Variants in TRAF3IP3 observed in about 807,000 individuals in gnomAD.
The protein encoded by TRAF3IP3 is TRAF3 interacting protein 3, also known as TRAF3-interacting JNK-activating modulator.
TRAF3IP3 carries 64 observed loss-of-function variants against 86.5 expected under a neutral mutation model. That is an observed-to-expected ratio of 0.74 (90% confidence interval 0.60 to 0.91). The LOEUF is 0.91. TRAF3IP3 is among the 40% of genes least tolerant of loss of function. The pLI, the probability that TRAF3IP3 is intolerant of heterozygous loss-of-function variation, is 0.00. For synonymous variants in TRAF3IP3, 220 were observed against 243.9 expected (o/e 0.90, Z 0.91); for missense variants, 579 against 642.9 (o/e 0.90, Z 1.07).
At chr1:209,776,785 C>A (rs545602644) in intron 11 of TRAF3IP3, 1 of 152,314 alleles carries the variant, frequency 6.6e-6, no homozygotes, top group East Asian at 1.9e-4. Context: ...CAATGACAAC[C>A]ACTTACATTT....
At chr1:209,779,465 C>A (rs1483489759) in intron 14 of TRAF3IP3, 91 bp downstream of exon 14, 5 of 1,113,096 alleles carry the variant, frequency 4.5e-6, no homozygotes, top group Non-Finnish European at 6.8e-6. Context: ...CTCCTGGAGT[C>A]CCAGCCAGTT....
chr1:209,761,236 A>G (rs149041842), intron 3 of TRAF3IP3, among the ~76,000 whole-genome samples: 1 of 152,318 alleles, frequency 6.6e-6, no homozygotes, highest in East Asian at 1.9e-4. Context: ...TGGTCCAGGA[A>G]GCTTTCCCTG....
chr1:209,771,012 G>A (rs1475948445), intron 8 of TRAF3IP3, among the ~76,000 whole-genome samples: 1 of 141,440 alleles, frequency 7.1e-6, no homozygotes, highest in Non-Finnish European at 1.5e-5. Flanking sequence ...GTGTGCGTGT[G>A]CATGTGGATG....
At chr1:209,770,757 G>A (rs1353348969) in intron 8 of TRAF3IP3, among the ~76,000 whole-genome samples, 1 of 144,492 alleles carries the variant, frequency 6.9e-6, no homozygotes, top group Non-Finnish European at 1.5e-5. Context: ...GTGTGCAGGT[G>A]GAGGTGTGCG....
At chr1:209,771,764 TGTG>T (rs1196047642) in intron 8 of TRAF3IP3, among the ~76,000 whole-genome samples, 3 of 43,912 alleles carry the variant, frequency 6.8e-5, no homozygotes, top group Non-Finnish European at 1.7e-4. Flanking sequence ...CATGTGAAGG[TGTG>T]TGTGTATATG....
chr1:209,778,056 T>C, intron 12 of TRAF3IP3, 55 bp from the exon 13 acceptor site: 1 of 1,455,064 alleles, frequency 6.9e-7, no homozygotes, highest in Non-Finnish European at 9.6e-7. Context: ...TCCTAAGTAC[T>C]GAGTTCATTA....
At chr1:209,769,415 G>A (rs992985810) in intron 8 of TRAF3IP3, among the ~76,000 whole-genome samples, 6 of 152,244 alleles carry the variant, frequency 3.9e-5, no homozygotes. Flanking sequence ...TCTGCTTATT[G>A]TAGATGCCAA....
intron 11 of TRAF3IP3, 148 bp from the exon 12 acceptor site, chr1:209,777,204 A>G (rs1437495211): frequency 1.7e-6 from 1 of 596,084 alleles, no homozygotes; most frequent in Non-Finnish European, 2.7e-6. Flanking sequence ...GAAAAAAGAA[A>G]GACTTCTCTA....
chr1:209,773,163 AT>A, intron 9 of TRAF3IP3, 144 bp downstream of exon 9: 1 of 680,786 alleles, frequency 1.5e-6, no homozygotes, highest in Non-Finnish European at 2.4e-6. Context: ...TGGCTTGGCC[AT>A]TTACACTTTA....
rs543843483 is a variant in TRAF3IP3, at chr1:209,775,837, G to C, written c.1053+101G>C. The C allele has an allele frequency of 8.5e-6, 10 of 1,182,716 alleles. No homozygotes were observed. In the African/African-American group the frequency reaches 1.4e-4, roughly 16 times the overall value. 73.3% of individuals were successfully genotyped at this position (1,182,716 alleles called of 1,614,324 possible). A position where few individuals can be genotyped will look rare whatever the true frequency, so the allele number is the denominator to read the frequency against. ...TTAGGGACTCCAAAGGCAGCTGACA[G>C]CATCTGGCTTTCAGTTCCTCAGTCA... On this transcript the variant is annotated intron_variant, in intron 11 of 16. Transcript: ENST00000367025.
At position 209,773,321 on chromosome 1, in the gene TRAF3IP3, G is replaced by A. The variant is rs530348727; in HGVS notation, c.774+302G>A. ...GAGAATACCTGACACTGTAGGGGAA[G>A]GCCCTTGGTAAAGACTCACATCACC... On this transcript the variant is annotated intron_variant, in intron 9 of 16. Coordinates refer to ENST00000367025, the MANE Select transcript of TRAF3IP3 (RefSeq NM_025228.4). Among the ~76,000 whole-genome samples the A allele has an allele frequency of 6.6e-5, 10 of 152,296 alleles. No individual in the cohort carries two copies. In the South Asian group the frequency reaches 2.1e-3, roughly 32 times the overall value.
At position 209,777,157 on chromosome 1, in the gene TRAF3IP3, TTATAAA is replaced by T. The variant is rs2077671360; in HGVS notation, c.1054-191_1054-186del. Reference sequence around the variant, plus strand: ...TGAATATCAAAAGTCTAATCTGCTGTTATAAATATGAGGAACAAAGCAAAGGGAAGA... The same window carrying T: ...TGAATATCAAAAGTCTAATCTGCTGTTATGAGGAACAAAGCAAAGGGAAGA... On this transcript the variant is annotated intron_variant, in intron 11 of 16. Coordinates refer to ENST00000367025, the MANE Select transcript of TRAF3IP3 (RefSeq NM_025228.4). 5.8e-5 allele frequency: 26 copies of T among 445,028 alleles called. 1 individual carries two copies. The South Asian group carries it at 1.3e-3, about 22-fold the overall frequency. 27.6% of individuals were successfully genotyped at this position (445,028 alleles called of 1,614,324 possible).
chr1:209,779,520 C>G (rs623360), intron 14 of TRAF3IP3, 146 bp downstream of exon 14: 275,586 of 737,612 alleles, frequency 0.37, 54,061 homozygotes, highest in Middle Eastern at 0.47. Flanking sequence ...TTTTTAAGGA[C>G]TGATCATTGG....
intron 3 of TRAF3IP3, 131 bp downstream of exon 3, chr1:209,760,515 C>CTCTTGGCAACTTTA: frequency 1.3e-6 from 1 of 756,470 alleles, no homozygotes; most frequent in Non-Finnish European, 2.1e-6. Context: ...AGTAAAGTTG[C>CTCTTGGCAACTTTA]CAAGAGCTAC....
chr1:209,770,468 GGTGTGTGTGTGCATGTGGAA>G (rs1558018433), intron 8 of TRAF3IP3, among the ~76,000 whole-genome samples: 3 of 142,852 alleles, frequency 2.1e-5, no homozygotes, highest in Non-Finnish European at 4.6e-5. Flanking sequence ...TGCATGTGGA[GGTGTGTGTGTGCATGTGGAA>G]GTGTGCGTGT....
intron 8 of TRAF3IP3, among the ~76,000 whole-genome samples, chr1:209,767,638 T>C (rs1241376747): frequency 6.6e-6 from 1 of 151,300 alleles, no homozygotes; most frequent in Non-Finnish European, 1.5e-5. Flanking sequence ...TGCACCACTG[T>C]ACTCCTGCAT....
At chr1:209,778,428 AT>A in intron 13 of TRAF3IP3, 3 of 445,296 alleles carry the variant, frequency 6.7e-6, no homozygotes, top group East Asian at 3.6e-5. Context: ...AGAACTGCAG[AT>A]TTTTTTTAAA....
intron 8 of TRAF3IP3, among the ~76,000 whole-genome samples, chr1:209,767,584 G>A (rs866198701): frequency 6.6e-5 from 10 of 152,150 alleles, no homozygotes; most frequent in Middle Eastern, 6.8e-3. Context: ...CAGCTACTTG[G>A]GAGGCTGAGG....
intron 14 of TRAF3IP3, 122 bp from the exon 15 acceptor site, chr1:209,780,348 C>A (rs534781360): frequency 1.5e-5 from 13 of 895,990 alleles, no homozygotes; most frequent in Admixed American, 3.0e-5. Context: ...TGCCATCAGT[C>A]TAGCCAAGAG....
Sources: gnomAD v4.1 joint callset for allele counts (sites outside exome capture counted in the v4.1 genomes callset) on GRCh38, gnomAD v4.1.1 for gene constraint, MANE v1.5 for transcripts, NCBI Gene and HGNC (gene_info 2026-07-23, HGNC 2026-07-21) for gene names.